The following SARS1 variants were observed in gnomAD, a reference collection of about 807,000 sequenced individuals.
SARS1 encodes serine--tRNA ligase, cytoplasmic.
In SARS1, 25 loss-of-function variants were observed where a neutral mutation model predicts 63.7. That is an observed-to-expected ratio of 0.39 (90% CI 0.29 to 0.55). SARS1 has a LOEUF of 0.55. Ranked by LOEUF, SARS1 falls within the 20% of genes least tolerant of loss-of-function variation. The pLI is 0.62. For missense variants in SARS1, 417 were observed against 649.7 expected (o/e 0.64, Z 3.89); for synonymous variants, 231 against 243.5 (o/e 0.95, Z 0.48).
At chr1:109,222,380 CATGT>C (rs1305270520) in intron 1 of SARS1, among the ~76,000 whole-genome samples, 1 of 152,086 alleles carries the variant, frequency 6.6e-6, no homozygotes, top group Non-Finnish European at 1.5e-5. Flanking sequence ...GTTTTGCACA[CATGT>C]GTGTGTGTAG....
chr1:109,225,273 T>C (rs930551744), intron 2 of SARS1, among the ~76,000 whole-genome samples: 1 of 152,212 alleles, frequency 6.6e-6, no homozygotes, highest in African/African-American at 2.4e-5. Flanking sequence ...TACACTTAAC[T>C]TCATGGCAGT....
chr1:109,223,940 G>T, intron 1 of SARS1, 38 bp from the exon 2 acceptor site: 3 of 1,451,712 alleles, frequency 2.1e-6, no homozygotes, highest in Non-Finnish European at 2.9e-6. Flanking sequence ...TTAATTATGG[G>T]CATTTCTTTG....
chr1:109,234,156 G>A (rs1655263465), intron 6 of SARS1, among the ~76,000 whole-genome samples: 2 of 151,644 alleles, frequency 1.3e-5, no homozygotes. Context: ...TAGGATTACA[G>A]GCATGAGCCA....
intron 2 of SARS1, 77 bp from the exon 3 acceptor site, chr1:109,228,275 A>C: frequency 1.9e-6 from 2 of 1,061,664 alleles, no homozygotes. Flanking sequence ...TAATACGTTA[A>C]TTTGGTGTAC....
chr1:109,235,872 C>T lies in SARS1; in HGVS notation c.970-105C>T, dbSNP rs1216723245. ...TTGCTGGGGGCCCAGACTTGCCTGCCTCCCAGTGGTGTGGAAACAGGTCTT... is the reference window on the plus strand; with the variant it reads ...TTGCTGGGGGCCCAGACTTGCCTGCTTCCCAGTGGTGTGGAAACAGGTCTT... On this transcript the variant is annotated intron_variant, in intron 7 of 10. Transcript: ENST00000234677. This position sits in a 1 kb window ranked among gnomAD's most constrained non-coding sequence, Gnocchi z 4.7. 17 of 1,159,918 alleles carry T rather than the reference C, an allele frequency of 1.5e-5. No homozygotes were observed. In the East Asian group the frequency reaches 4.1e-4, roughly 28 times the overall value. The allele number at this position is 1,159,918 out of a possible 1,614,324, so 71.9% of individuals were successfully genotyped here. A position where few individuals can be genotyped will look rare whatever the true frequency, so the allele number is the denominator to read the frequency against.
intron 1 of SARS1, among the ~76,000 whole-genome samples, chr1:109,221,306 G>A (rs1016462404): frequency 5.9e-5 from 9 of 151,964 alleles, no homozygotes; most frequent in African/African-American, 2.2e-4. Context: ...TGATCCGCCC[G>A]CCTCGGCCTC....
Position 109,214,276 on chromosome 1 carries a change from A to C in SARS1, c.136+148A>C. Reference sequence around the variant, plus strand: ...GGCTCCGAGGTTCTCCCCATCCCCGAAAACACAGCCTGGTCGCCGGGGTCA... The same window carrying C: ...GGCTCCGAGGTTCTCCCCATCCCCGCAAACACAGCCTGGTCGCCGGGGTCA... On this transcript the variant is annotated intron_variant, in intron 1 of 10. Coordinates refer to ENST00000234677, the MANE Select transcript of SARS1 (RefSeq NM_006513.4). The surrounding 1 kb of genome is among the most constrained non-coding windows in gnomAD (Gnocchi z 4.6). 1 of 1,025,672 alleles carries C rather than the reference A, an allele frequency of 9.7e-7. No individual in the cohort carries two copies. Among genetic ancestry groups the C allele is most frequent in the Non-Finnish European group, 1.4e-6 (1 of 718,568 alleles). 63.5% of individuals were successfully genotyped at this position (1,025,672 alleles called of 1,614,324 possible). A position where few individuals can be genotyped will look rare whatever the true frequency, so the allele number is the denominator to read the frequency against.
At position 109,237,043 on chromosome 1, in the gene SARS1, A is replaced by T. The variant is rs41279698; in HGVS notation, c.1258-201A>T. Reference sequence around the variant, plus strand: ...ACCACTTGTCACTCATCGAAACATGAGGGATCTTTCTGCAGTTATCTAATA... The same window carrying T: ...ACCACTTGTCACTCATCGAAACATGTGGGATCTTTCTGCAGTTATCTAATA... On this transcript the variant is annotated intron_variant, in intron 9 of 10. Transcript: ENST00000234677. The surrounding 1 kb of genome is among the most constrained non-coding windows in gnomAD (Gnocchi z 4.1). 8,651 of 1,243,640 alleles carry T rather than the reference A, an allele frequency of 7.0e-3. 75 individuals are homozygous for T. Among genetic ancestry groups the T allele is most frequent in the Non-Finnish European group, 6.9e-3 (6,295 of 915,902 alleles). 77.0% of individuals were successfully genotyped at this position (1,243,640 alleles called of 1,614,324 possible). A position where few individuals can be genotyped will look rare whatever the true frequency, so the allele number is the denominator to read the frequency against.
At chr1:109,215,522 A>G (rs1268160171) in intron 1 of SARS1, 1 of 985,218 alleles carries the variant, frequency 1.0e-6, no homozygotes, top group Non-Finnish European at 1.2e-6. Flanking sequence ...ACATTTATAC[A>G]TAAAATCCCA....
At position 109,214,659 on chromosome 1, in the gene SARS1, C is replaced by T. The variant is rs1453466096; in HGVS notation, c.136+531C>T. 1.0e-6 allele frequency: 1 copy of T among 985,598 alleles called. No individual in the cohort carries two copies. Among genetic ancestry groups the T allele is most frequent in the Non-Finnish European group, 1.2e-6 (1 of 830,074 alleles). The allele number at this position is 985,598 out of a possible 1,614,324, so 61.1% of individuals were successfully genotyped here. ...GCCGCTCTTGGCCAAAATAAATGAC[C>T]CTGAAGCTTTTCGGAAGGCCATCCC... On this transcript the variant is annotated intron_variant, in intron 1 of 10. Transcript: ENST00000234677. This position sits in a 1 kb window ranked among gnomAD's most constrained non-coding sequence, Gnocchi z 4.6.
intron 3 of SARS1, among the ~76,000 whole-genome samples, chr1:109,228,760 A>C (rs1166463083): frequency 6.6e-6 from 1 of 152,238 alleles, no homozygotes; most frequent in Non-Finnish European, 1.5e-5. Flanking sequence ...AACACAGTAA[A>C]TATTCAGTAC....
intron 1 of SARS1, among the ~76,000 whole-genome samples, chr1:109,221,303 C>T (rs561535071): frequency 1.5e-4 from 23 of 152,222 alleles, no homozygotes; most frequent in African/African-American, 5.1e-4. Context: ...TCATGATCCG[C>T]CCGCCTCGGC....
chr1:109,228,826 C>T (rs2101197893), intron 3 of SARS1, among the ~76,000 whole-genome samples: 1 of 152,244 alleles, frequency 6.6e-6, no homozygotes, highest in Non-Finnish European at 1.5e-5. Flanking sequence ...TTCTTGAAAC[C>T]CTTAACATAT....
chr1:109,237,670 G>A lies in SARS1; in HGVS notation c.1388-61G>A. 6.4e-7 allele frequency: 1 copy of A among 1,572,348 alleles called. No individual in the cohort carries two copies. The stretch of plus-strand genomic sequence containing the variant: ...ATTGTCTTGTTGAATTCTCCCCAGA[G>A]GTCTTAGGGCTTTGACTCACTGAGA... On this transcript the variant is annotated intron_variant, in intron 10 of 10. Coordinates refer to ENST00000234677, the MANE Select transcript of SARS1 (RefSeq NM_006513.4). This position sits in a 1 kb window ranked among gnomAD's most constrained non-coding sequence, Gnocchi z 4.1.
chr1:109,215,159 G>A, intron 1 of SARS1: 3 of 985,378 alleles, frequency 3.0e-6, no homozygotes, highest in Non-Finnish European at 3.6e-6. Flanking sequence ...CTTGAGTTTT[G>A]TGCTGATTCT....
In SARS1 at chr1:109,231,222, C is replaced by G. The variant is rs549188401; in HGVS notation, c.591+201C>G. On this transcript the variant is annotated intron_variant, in intron 5 of 10. Transcript: ENST00000234677. ...AGCAAGAGAGGGCTTATCAGGATTC[C>G]GTAGAACAAAAGCCACTAAGTGGTC... 24 of 299,006 alleles carry G rather than the reference C, an allele frequency of 8.0e-5. No homozygotes were observed. In the East Asian group the frequency reaches 1.3e-3, roughly 17 times the overall value. The allele number at this position is 299,006 out of a possible 1,614,324, so 18.5% of individuals were successfully genotyped here.
chr1:109,218,771 A>G (rs1405764736), intron 1 of SARS1, among the ~76,000 whole-genome samples: 1 of 152,140 alleles, frequency 6.6e-6, no homozygotes, highest in East Asian at 1.9e-4. Flanking sequence ...TTGGCACTCA[A>G]CTACTGTTGT....
chr1:109,231,071 A>ATC, intron 5 of SARS1, 50 bp downstream of exon 5: 2 of 949,424 alleles, frequency 2.1e-6, no homozygotes, highest in Non-Finnish European at 2.6e-6. Flanking sequence ...GAAACAAAAT[A>ATC]TATATATATA....
intron 2 of SARS1, among the ~76,000 whole-genome samples, chr1:109,226,333 G>A (rs976715672): frequency 2.0e-5 from 3 of 147,958 alleles, no homozygotes; most frequent in African/African-American, 7.5e-5. Flanking sequence ...TTACATTTAG[G>A]AGATTTAGTC....
Sources: allele counts gnomAD v4.1 joint callset (sites outside exome capture counted in the v4.1 genomes callset), GRCh38; gene constraint gnomAD v4.1.1; non-coding constraint Gnocchi (gnomAD v3.1); transcripts MANE v1.5; gene names NCBI Gene and HGNC (gene_info 2026-07-23, HGNC 2026-07-21).